SORCS2: variants seen among roughly 807,000 people sequenced by gnomAD.
SORCS2 encodes the protein VPS10 domain-containing receptor SorCS2.
A neutral mutation model predicts 141.6 loss-of-function variants in SORCS2; 100 were observed. The ratio of observed to expected loss-of-function variants is 0.71; its 90% CI spans 0.60 to 0.83. The LOEUF is 0.83. SORCS2 is among the 40% of genes least tolerant of loss of function. SORCS2 has a pLI of 0.00. For synonymous variants in SORCS2, 789 were observed against 676.9 expected, an observed-to-expected ratio of 1.17 and a Z score of -2.57; for missense variants, 1,646 against 1,560.2, an observed-to-expected ratio of 1.05 and a Z score of -0.93.
At position 7,620,263 on chromosome 4, in the gene SORCS2, C is replaced by T. The variant is rs778284098; in HGVS notation, c.649-18065C>T. Reference sequence around the variant, plus strand: ...CTTTGGTCTAAAAATAGGAGACGCACAGTTGGGCTTTGTTGGGAACAAGGC... The same window carrying T: ...CTTTGGTCTAAAAATAGGAGACGCATAGTTGGGCTTTGTTGGGAACAAGGC... On this transcript the variant is annotated intron_variant, in intron 3 of 26. Transcript: ENST00000507866. 2.6e-5 allele frequency among the ~76,000 whole-genome samples: 4 copies of T among 152,330 alleles called. No individual in the cohort carries two copies. The South Asian group carries it at 8.3e-4, about 32-fold the overall frequency.
chr4:7,639,779 G>A (rs1162539293), intron 4 of SORCS2, among the ~76,000 whole-genome samples: 3 of 151,954 alleles, frequency 2.0e-5, no homozygotes, highest in Non-Finnish European at 4.4e-5. Flanking sequence ...GAACGTGTGT[G>A]TGTGTGGGTA....
At chr4:7,736,619 A>G (rs1712199621) in intron 25 of SORCS2, among the ~76,000 whole-genome samples, 1 of 152,154 alleles carries the variant, frequency 6.6e-6, no homozygotes, top group South Asian at 2.1e-4. Flanking sequence ...AATCGAGGAC[A>G]GTACTCCCCC....
intron 21 of SORCS2, among the ~76,000 whole-genome samples, chr4:7,727,692 G>T (rs556474843): frequency 2.0e-5 from 3 of 152,340 alleles, no homozygotes; most frequent in Admixed American, 6.5e-5. Context: ...TGGGTTTGCA[G>T]TCCTCAAAGC....
At position 7,531,609 on chromosome 4, in the gene SORCS2, T is replaced by G; in HGVS notation, c.628T>G (p.Cys210Gly). The G allele has an allele frequency of 6.2e-7, 1 of 1,613,776 alleles. No homozygotes were observed. The highest frequency in any genetic ancestry group is 8.5e-7 in the Non-Finnish European group (1 of 1,179,800). Residue 210 changes from cysteine to glycine, a missense_variant, in exon 3 of 27, where the codon TGC becomes GGC. By Grantham distance (159) the Cys-to-Gly change is radical (BLOSUM62 -3). Coordinates refer to ENST00000507866, the MANE Select transcript of SORCS2 (RefSeq NM_020777.3). ...VTTVIDNFYI[C>G]PTNKRKVILV... ...CACCGTCATCGACAATTTCTACATC[T>G]GCCCGACCAACAAGAGGAAGGTAGG...
chr4:7,515,298 T>C (rs4395504), intron 2 of SORCS2, among the ~76,000 whole-genome samples: 59,213 of 152,074 alleles, frequency 0.39, 11,972 homozygotes, highest in African/African-American at 0.5. Flanking sequence ...CACGCACGGC[T>C]GTCTTGGAGT....
At chr4:7,587,940 G>A (rs1159822692) in intron 3 of SORCS2, among the ~76,000 whole-genome samples, 1 of 152,208 alleles carries the variant, frequency 6.6e-6, no homozygotes, top group African/African-American at 2.4e-5. Flanking sequence ...ACAACGGAAT[G>A]CATTTTTTCA....
chr4:7,543,991 TCCACTCATCC>T (rs1436081602), intron 3 of SORCS2, among the ~76,000 whole-genome samples: 3 of 100,680 alleles, frequency 3.0e-5, no homozygotes, highest in African/African-American at 1.1e-4. Flanking sequence ...CGTCCATCCA[TCCACTCATCC>T]ATCCATCCAT....
chr4:7,317,664 GGGC>G (rs1718647647), intron 1 of SORCS2, among the ~76,000 whole-genome samples: 1 of 72,404 alleles, frequency 1.4e-5, no homozygotes, highest in Non-Finnish European at 3.1e-5. Flanking sequence ...CTGTTTTCCA[GGGC>G]TGAGGCTTAG....
intron 2 of SORCS2, among the ~76,000 whole-genome samples, chr4:7,429,402 T>A (rs1726673552): frequency 6.6e-6 from 1 of 152,202 alleles, no homozygotes; most frequent in East Asian, 1.9e-4. Context: ...CCTAAGGGCA[T>A]TTGGTGAGGA....
rs762841228 is a variant in SORCS2, at chr4:7,729,715, A to G, written c.3108+3A>G. ...AGAGGAGCCTCTCGAGTGATAAGGTATGTCCTGTGGCCGCTGCACTCCCAG... is the reference window on the plus strand; with the variant it reads ...AGAGGAGCCTCTCGAGTGATAAGGTGTGTCCTGTGGCCGCTGCACTCCCAG... On this transcript the variant is annotated splice_donor_region_variant and intron_variant, in intron 23 of 26. Transcript: ENST00000507866. 1 of 1,610,752 alleles carries G rather than the reference A, an allele frequency of 6.2e-7. No individual in the cohort carries two copies. Among genetic ancestry groups the G allele is most frequent in the South Asian group, 1.1e-5 (1 of 90,144 alleles).
At chr4:7,597,887 C>T (rs114581672) in intron 3 of SORCS2, among the ~76,000 whole-genome samples, 7,982 of 148,106 alleles carry the variant, frequency 0.054, 286 homozygotes, top group African/African-American at 0.08. Context: ...CTGTGGTCAG[C>T]GGATTCCCAG....
chr4:7,361,417 C>G (rs1461751110), intron 1 of SORCS2, among the ~76,000 whole-genome samples: 1 of 152,170 alleles, frequency 6.6e-6, no homozygotes, highest in African/African-American at 2.4e-5. Flanking sequence ...ACAGCTGTTG[C>G]CCAAATTAGC....
intron 2 of SORCS2, among the ~76,000 whole-genome samples, chr4:7,444,905 C>T (rs187959059): frequency 2.3e-3 from 357 of 152,340 alleles, no homozygotes; most frequent in African/African-American, 8.2e-3. Context: ...AGGAACACAC[C>T]GAACGTTTGG....
At chr4:7,463,897 G>A (rs907292572) in intron 2 of SORCS2, among the ~76,000 whole-genome samples, 2 of 152,222 alleles carry the variant, frequency 1.3e-5, no homozygotes, top group African/African-American at 4.8e-5. Context: ...CTGGGGAGGT[G>A]CGGAGGCTGG....
chr4:7,656,572 C>T (rs1721793364), intron 5 of SORCS2, among the ~76,000 whole-genome samples: 1 of 152,238 alleles, frequency 6.6e-6, no homozygotes, highest in African/African-American at 2.4e-5. Context: ...TCCTGCTGCC[C>T]CCAAGCTGTG....
chr4:7,322,162 G>A (rs959898357), intron 1 of SORCS2, among the ~76,000 whole-genome samples: 3 of 152,148 alleles, frequency 2.0e-5, no homozygotes, highest in Admixed American at 2.0e-4. Flanking sequence ...AGGGGGCCGG[G>A]ATGTGGGCCA....
intron 2 of SORCS2, among the ~76,000 whole-genome samples, chr4:7,529,025 G>A (rs1428463455): frequency 6.6e-6 from 1 of 152,076 alleles, no homozygotes; most frequent in Admixed American, 6.6e-5. Flanking sequence ...AGCCATACAG[G>A]ACTCAGGGCC....
At chr4:7,540,101 TGTG>T (rs1712482067) in intron 3 of SORCS2, among the ~76,000 whole-genome samples, 1 of 108,874 alleles carries the variant, frequency 9.2e-6, no homozygotes, top group Admixed American at 8.6e-5. Context: ...CCGCCCCCTT[TGTG>T]CTGTGGGGCC....
intron 1 of SORCS2, among the ~76,000 whole-genome samples, chr4:7,330,358 A>C (rs2108965034): frequency 6.6e-6 from 1 of 152,060 alleles, no homozygotes; most frequent in African/African-American, 2.4e-5. Flanking sequence ...TATCACAAAG[A>C]GCTTCTCGGC....
Sources: allele counts gnomAD v4.1 joint callset (sites outside exome capture counted in the v4.1 genomes callset), GRCh38; gene constraint gnomAD v4.1.1; transcripts MANE v1.5; gene names NCBI Gene and HGNC (gene_info 2026-07-23, HGNC 2026-07-21).